SLC9B1: variants seen among roughly 807,000 people sequenced by gnomAD.
SLC9B1 encodes sodium/hydrogen exchanger 9B1.
In SLC9B1, 32 loss-of-function variants were observed where a neutral mutation model predicts 51.7. The ratio of observed to expected loss-of-function variants is 0.62; its 90% CI spans 0.47 to 0.83. The LOEUF is 0.83. Ranked by LOEUF, SLC9B1 falls within the 40% of genes least tolerant of loss-of-function variation. The pLI is 0.00. For synonymous variants in SLC9B1, 145 were observed against 212.7 expected, an observed-to-expected ratio of 0.68 and a Z score of 2.77; for missense variants, 406 against 613.2, an observed-to-expected ratio of 0.66 and a Z score of 3.57.
intron 6 of SLC9B1, among the ~76,000 whole-genome samples, chr4:102,936,526 G>C (rs1736733259): frequency 6.6e-6 from 1 of 152,188 alleles, no homozygotes; most frequent in Non-Finnish European, 1.5e-5. Context: ...TGACATAAGA[G>C]CTGAAAGATG....
chr4:102,986,135 T>C (rs896022695), intron 3 of SLC9B1, among the ~76,000 whole-genome samples: 4 of 152,188 alleles, frequency 2.6e-5, no homozygotes, highest in African/African-American at 9.6e-5. Context: ...TAACATCTCT[T>C]GCAAGCCAAG....
At chr4:103,004,896 G>C (rs956457528) in intron 1 of SLC9B1, among the ~76,000 whole-genome samples, 2 of 152,180 alleles carry the variant, frequency 1.3e-5, no homozygotes, top group African/African-American at 4.8e-5. Context: ...AAGGGAATTT[G>C]TTACCACCAG....
intron 1 of SLC9B1, among the ~76,000 whole-genome samples, chr4:103,000,683 C>A (rs920460115): frequency 6.6e-6 from 1 of 152,226 alleles, no homozygotes; most frequent in Non-Finnish European, 1.5e-5. Context: ...CCAGGGCATG[C>A]TGATGTAAAG....
At chr4:102,968,729 C>A (rs558429214) in intron 3 of SLC9B1, among the ~76,000 whole-genome samples, 1 of 152,168 alleles carries the variant, frequency 6.6e-6, no homozygotes, top group Non-Finnish European at 1.5e-5. Flanking sequence ...GGCAGGGCAT[C>A]GCCTCATCCG....
rs547004429 is a variant in SLC9B1, at chr4:102,932,159, C to G, written c.794G>C (p.Gly265Ala). ...GACTATGCTCAAGCATGTATTGAAT[C>G]CAGTGATAGCCAGAATGTCATCCAT... ...SSMDDILAIT[G>A]FNTCLSIVFS... is the part of the protein sequence containing the mutation. The change falls in exon 7 of 12, where the codon GGA becomes GCA. Residue 265 changes from glycine (G) to alanine (A), a missense_variant. By Grantham distance (60) the Gly-to-Ala change is moderately conservative (BLOSUM62 0). Coordinates refer to ENST00000296422, the MANE Select transcript of SLC9B1 (RefSeq NM_139173.4). 6.9e-5 allele frequency: 111 copies of G among 1,611,824 alleles called. No homozygotes were observed. Among genetic ancestry groups the G allele is most frequent in the Non-Finnish European group, 8.8e-5 (104 of 1,179,788 alleles).
At chr4:102,969,273 T>C (rs6818418) in intron 3 of SLC9B1, among the ~76,000 whole-genome samples, 1 of 151,960 alleles carries the variant, frequency 6.6e-6, no homozygotes, top group Non-Finnish European at 1.5e-5. Flanking sequence ...GTCCCTCTGA[T>C]ATGAAGCTTC....
At position 102,927,736 on chromosome 4, in the gene SLC9B1, A is replaced by G. The variant is rs78947863; in HGVS notation, c.829+4388T>C. ...AATCCCATTACTGGGTATATACCCA[A>G]AGGATTTTAAATCATGCTACTATAA... On this transcript the variant is annotated intron_variant, in intron 7 of 11. Transcript: ENST00000296422. 3.9e-5 allele frequency among the ~76,000 whole-genome samples: 6 copies of G among 152,346 alleles called. No individual in the cohort carries two copies. In the East Asian group the frequency reaches 9.6e-4, roughly 24 times the overall value.
chr4:102,933,437 G>C (rs1461846394), intron 6 of SLC9B1, among the ~76,000 whole-genome samples: 1 of 152,202 alleles, frequency 6.6e-6, no homozygotes, highest in African/African-American at 2.4e-5. Context: ...CCTAAACTCT[G>C]CTGCACATTG....
At chr4:102,991,840 C>A in intron 1 of SLC9B1, 128 bp from the exon 2 acceptor site, 1 of 586,246 alleles carries the variant, frequency 1.7e-6, no homozygotes, top group Non-Finnish European at 2.9e-6. Flanking sequence ...ACAGTCAAGT[C>A]AGATATCTTT....
intron 11 of SLC9B1, among the ~76,000 whole-genome samples, chr4:102,903,075 C>A (rs1460907573): frequency 6.6e-6 from 1 of 152,124 alleles, no homozygotes; most frequent in African/African-American, 2.4e-5. Flanking sequence ...TTCCTGGAAC[C>A]AGCTTGATAT....
intron 5 of SLC9B1, among the ~76,000 whole-genome samples, chr4:102,946,137 A>G (rs780539800): frequency 3.9e-5 from 6 of 152,212 alleles, no homozygotes; most frequent in Admixed American, 2.0e-4. Context: ...CCCAAATAAT[A>G]TAGGTGCTAT....
Position 102,925,623 on chromosome 4 carries a change from A to G in SLC9B1, c.829+6501T>C, listed in dbSNP as rs186841995. Among the ~76,000 whole-genome samples the G allele has an allele frequency of 2.3e-3, 356 of 152,082 alleles. 3 individuals are homozygous for G. The highest frequency in any genetic ancestry group is 8.0e-3 in the African/African-American group (332 of 41,464). On this transcript the variant is annotated intron_variant, in intron 7 of 11. Transcript: ENST00000296422. ...AATTATAAATTTTAGATAGCCATCC[A>G]GAGATACTTCTCTACTTCTTGGAAA... is the stretch of plus-strand genomic sequence containing the variant.
At chr4:102,984,776 G>A (rs559740415) in intron 3 of SLC9B1, among the ~76,000 whole-genome samples, 2 of 152,064 alleles carry the variant, frequency 1.3e-5, no homozygotes, top group African/African-American at 2.4e-5. Context: ...TGTCCATTTC[G>A]GATAGACAGG....
chr4:102,931,150 C>T (rs1483059705), intron 7 of SLC9B1, among the ~76,000 whole-genome samples: 3 of 150,508 alleles, frequency 2.0e-5, no homozygotes, highest in East Asian at 2.0e-4. Context: ...GGCGTGAACC[C>T]GGGAGGCAGA....
In SLC9B1 at chr4:102,949,424, A is replaced by AATTAGCT; in HGVS notation, c.214_215insAGCTAAT (p.Val72GlufsTer19). ...CATACACCATATCACAAACAGTATA[A>AATTAGCT]CTCCTGAAATACAAAAAAGTGTACA... On this transcript the variant is annotated frameshift_variant, in exon 4 of 12. Transcript: ENST00000296422. 1 of 1,573,056 alleles carries AATTAGCT rather than the reference A, an allele frequency of 6.4e-7. No homozygotes were observed. The highest frequency in any genetic ancestry group is 2.3e-4 in the Middle Eastern group (1 of 4,264).
At chr4:102,904,539 CTG>C (rs1051374601) in intron 11 of SLC9B1, among the ~76,000 whole-genome samples, 1 of 151,874 alleles carries the variant, frequency 6.6e-6, no homozygotes, top group African/African-American at 2.4e-5. Flanking sequence ...GCTTTTAAAA[CTG>C]AGATTTAAAA....
intron 7 of SLC9B1, among the ~76,000 whole-genome samples, chr4:102,931,732 A>G (rs1219355885): frequency 2.0e-5 from 3 of 152,210 alleles, no homozygotes; most frequent in Non-Finnish European, 4.4e-5. Flanking sequence ...GTTGTCTTAT[A>G]ATAGAGCAAC....
chr4:102,997,586 T>TA (rs1740293648), intron 1 of SLC9B1, among the ~76,000 whole-genome samples: 1 of 152,202 alleles, frequency 6.6e-6, no homozygotes, highest in Admixed American at 6.5e-5. Flanking sequence ...TCTAAGTACA[T>TA]ACATACACAG....
intron 6 of SLC9B1, among the ~76,000 whole-genome samples, chr4:102,940,571 A>G (rs1037201455): frequency 3.3e-5 from 5 of 152,202 alleles, no homozygotes; most frequent in African/African-American, 7.2e-5. Context: ...AGCAATCCTA[A>G]GCAAAAAGAA....
Sources: allele counts gnomAD v4.1 joint callset (sites outside exome capture counted in the v4.1 genomes callset), GRCh38; gene constraint gnomAD v4.1.1; transcripts MANE v1.5; gene names NCBI Gene and HGNC (gene_info 2026-07-23, HGNC 2026-07-21).